Variants in GCM2 observed in about 807,000 individuals in gnomAD.
GCM2 encodes the protein chorion-specific transcription factor GCMb.
Under a neutral mutation model 24.8 loss-of-function variants are expected in GCM2, and 21 were observed. The observed-to-expected ratio is 0.85, with a 90% CI of 0.60 to 1.22. The LOEUF is 1.22. Ranked by LOEUF, GCM2 falls within the 50% of genes most tolerant of loss-of-function variation. The probability of loss-of-function intolerance (pLI) is 0.00; values close to 1 mark genes in which losing one functional copy is unlikely to be tolerated. For synonymous variants in GCM2, 222 were observed against 238.0 expected, an observed-to-expected ratio of 0.93 and a Z score of 0.62; for missense variants, 532 against 645.6, an observed-to-expected ratio of 0.82 and a Z score of 1.91.
At chr6:10,879,993 C>T (rs546414461) in intron 1 of GCM2, among the ~76,000 whole-genome samples, 7 of 152,274 alleles carry the variant, frequency 4.6e-5, no homozygotes, top group African/African-American at 1.7e-4. Context: ...CGGTGGCTCA[C>T]GCCTGTAATC....
chr6:10,875,473 T>G (rs773029499), intron 4 of GCM2, among the ~76,000 whole-genome samples: 3 of 152,246 alleles, frequency 2.0e-5, no homozygotes, highest in Non-Finnish European at 4.4e-5. Flanking sequence ...CTGCTTGGCG[T>G]GCTTTGGTTG....
intron 3 of GCM2, 49 bp downstream of exon 3, chr6:10,876,379 AGGTGGTTTGGCCTTTGT>A (rs1161170795): frequency 6.7e-6 from 7 of 1,051,982 alleles, no homozygotes; most frequent in African/African-American, 1.6e-5. Context: ...GGCACACGAC[AGGTGGTTTGGCCTTTGT>A]GGTCTGATGA....
chr6:10,878,364 G>A lies in GCM2; in HGVS notation c.91-972C>T, dbSNP rs1779911586. On this transcript the variant is annotated intron_variant, in intron 1 of 4. Coordinates refer to ENST00000379491, the MANE Select transcript of GCM2 (RefSeq NM_004752.4). ...GATGGAATCTCACTCTGTCACCCAG[G>A]CTGGAGTGTAGTAGCATGATCTCAG... Among the ~76,000 whole-genome samples, 5 of 152,002 alleles carry A rather than the reference G, an allele frequency of 3.3e-5. No homozygotes were observed. The South Asian group carries it at 1.0e-3, about 32-fold the overall frequency.
At position 10,873,931 on chromosome 6, in the gene GCM2, C is replaced by T. The variant is rs971674088; in HGVS notation, c.*64G>A. 5 of 1,220,280 alleles carry T rather than the reference C, an allele frequency of 4.1e-6. No individual in the cohort carries two copies. The highest frequency in any genetic ancestry group is 1.7e-5 in the Admixed American group (1 of 58,156). The allele number at this position is 1,220,280 out of a possible 1,614,324, so 75.6% of individuals were successfully genotyped here. The stretch of plus-strand genomic sequence containing the variant: ...CTCCCAACTCAATAAGAGATCATTG[C>T]CATTTCACATTTCCCTGCCTCCTGC... On this transcript the variant is annotated 3_prime_UTR_variant, in exon 5 of 5. Transcript: ENST00000379491.
rs748030466 is a variant in GCM2, at chr6:10,874,300, G to A, written c.1216C>T (p.Arg406Ter). The A allele has an allele frequency of 1.9e-6, 3 of 1,614,168 alleles. No individual in the cohort carries two copies. The highest frequency in any genetic ancestry group is 2.2e-5 in the South Asian group (2 of 91,074). The stretch of plus-strand genomic sequence containing the variant: ...CAGCTCGAAAGGCTCTTCACCTCTC[G>A]CACACTGTCACTGTATTTCATAGCA... ...PPAMKYSDSV[R>*]EVKSLSSCNY... is the part of the protein sequence containing the mutation. Residue 406 changes from arginine to a stop codon, truncating the protein, a stop_gained, in exon 5 of 5, where the codon CGA (arginine) becomes TGA (stop). Coordinates refer to ENST00000379491, the MANE Select transcript of GCM2 (RefSeq NM_004752.4). LOFTEE classifies it low-confidence loss of function (END_TRUNC).
At chr6:10,878,341 T>G (rs1779911216) in intron 1 of GCM2, among the ~76,000 whole-genome samples, 1 of 152,146 alleles carries the variant, frequency 6.6e-6, no homozygotes, top group Non-Finnish European at 1.5e-5. Flanking sequence ...TTTTTTGAGA[T>G]GGAATCTCAC....
chr6:10,874,055 G>A lies in GCM2; in HGVS notation c.1461C>T (p.Ser487=), dbSNP rs371832377. 6.0e-5 allele frequency: 97 copies of A among 1,614,048 alleles called. No individual in the cohort carries two copies. Among genetic ancestry groups the A allele is most frequent in the Middle Eastern group, 1.6e-4 (1 of 6,084 alleles). ...CCACTCTGTCTGAGTAACTGACTGCGGAGCCCAGCCCAGACAGACACACAT... is the reference window on the plus strand; with the variant it reads ...CCACTCTGTCTGAGTAACTGACTGCAGAGCCCAGCCCAGACAGACACACAT... ...TWDVCLSGLG[S]AVSYSDRVGP... The change falls in exon 5 of 5, where the codon TCC becomes TCT. Residue 487 remains serine (S), a synonymous_variant. Transcript: ENST00000379491.
chr6:10,874,031 C>G lies in GCM2; in HGVS notation c.1485G>C (p.Val495=). 6.2e-7 allele frequency: 1 copy of G among 1,614,136 alleles called. No homozygotes were observed. The highest frequency in any genetic ancestry group is 8.5e-7 in the Non-Finnish European group (1 of 1,179,988). ...CATTGTTGTAGGTAAAGAAGGGACC[C>G]ACTCTGTCTGAGTAACTGACTGCGG... ...LGSAVSYSDR[V]GPFFTYNNED... Residue 495 remains valine, a synonymous_variant, in exon 5 of 5, where the codon GTG becomes GTC. Coordinates refer to ENST00000379491, the MANE Select transcript of GCM2 (RefSeq NM_004752.4).
rs1336486239 is a variant in GCM2, at chr6:10,874,405, T to C, written c.1111A>G (p.Thr371Ala). The change falls in exon 5 of 5, where the codon ACT (threonine) becomes GCT (alanine). Residue 371 changes from threonine to alanine, a missense_variant. Coordinates refer to ENST00000379491, the MANE Select transcript of GCM2 (RefSeq NM_004752.4). ...NPELPCRYLT[T>A]PPPGAPALQT... ...AGGGCAGGGGCACCTGGTGGTGGAG[T>C]CGTGAGGTACCTGCAGGGAAGCTCT... 1.9e-6 allele frequency: 3 copies of C among 1,613,818 alleles called. No individual in the cohort carries two copies. Among genetic ancestry groups the C allele is most frequent in the African/African-American group, 2.7e-5 (2 of 74,894 alleles).
At chr6:10,881,651 C>G (rs79994101) in intron 1 of GCM2, 53 bp downstream of exon 1, 2 of 1,190,512 alleles carry the variant, frequency 1.7e-6, no homozygotes, top group Admixed American at 3.6e-5. Flanking sequence ...TGCCATTCTC[C>G]CTCCTTCGGA....
chr6:10,875,830 A>G (rs1779870006), intron 4 of GCM2, 61 bp downstream of exon 4: 2 of 1,549,514 alleles, frequency 1.3e-6, no homozygotes, highest in South Asian at 2.2e-5. Context: ...TTGCATAACG[A>G]TCAGCGTATC....
In GCM2 at chr6:10,874,398, G is replaced by T; in HGVS notation, c.1118C>A (p.Pro373Gln). 1 of 1,614,212 alleles carries T rather than the reference G, an allele frequency of 6.2e-7. No individual in the cohort carries two copies. Among genetic ancestry groups the T allele is most frequent in the Non-Finnish European group, 8.5e-7 (1 of 1,180,026 alleles). ...ELPCRYLTTP[P>Q]PGAPALQTVI... ...GGTTTGTAGGGCAGGGGCACCTGGT[G>T]GTGGAGTCGTGAGGTACCTGCAGGG... is the stretch of plus-strand genomic sequence containing the variant. Residue 373 changes from proline (P) to glutamine (Q), a missense_variant, in exon 5 of 5, where the codon CCA (proline) becomes CAA (glutamine). By Grantham distance (76) the Pro-to-Gln change is moderately conservative (BLOSUM62 -1). Around this residue, in one of 3 missense-constraint regions of GCM2, gnomAD observed 434 missense variants for 521.9 expected, o/e 0.83. Transcript: ENST00000379491.
rs1035347215 is a variant in GCM2 at position 10,881,961 on chromosome 6, C to G, written c.-168G>C. On this transcript the variant is annotated 5_prime_UTR_variant, in exon 1 of 5. Coordinates refer to ENST00000379491, the MANE Select transcript of GCM2 (RefSeq NM_004752.4). ...GAGAGGCTGTTTAGATATCTGGAAG[C>G]TGGGGACAATGGTTATGGACCCGGG... The G allele has an allele frequency of 1.6e-5, 11 of 667,274 alleles. No individual in the cohort carries two copies. In the African/African-American group the frequency reaches 2.0e-4, roughly 12 times the overall value. 41.3% of individuals were successfully genotyped at this position (667,274 alleles called of 1,614,324 possible). A position where few individuals can be genotyped will look rare whatever the true frequency, so the allele number is the denominator to read the frequency against.
chr6:10,877,486 C>T, intron 1 of GCM2, 94 bp from the exon 2 acceptor site: 5 of 1,353,928 alleles, frequency 3.7e-6, no homozygotes, highest in Non-Finnish European at 5.2e-6. Context: ...AGGATACAAA[C>T]CAGTTCTTTT....
Position 10,876,539 on chromosome 6 carries a change from CAGTT to C in GCM2, c.358_361del (p.Asn120ValfsTer7). The C allele has an allele frequency of 6.2e-7, 1 of 1,611,934 alleles. No individual in the cohort carries two copies. The highest frequency in any genetic ancestry group is 8.5e-7 in the Non-Finnish European group (1 of 1,177,966). ...AGGAATCAACTCCAAAGCAGAATGA[CAGTT>C]AGGGCATGCCTTCTCTGCAAAGCCC... On this transcript the variant is annotated frameshift_variant, in exon 3 of 5. Coordinates refer to ENST00000379491, the MANE Select transcript of GCM2 (RefSeq NM_004752.4). LOFTEE classifies it high-confidence loss of function.
Position 10,881,718 on chromosome 6 carries a change from G to T in GCM2, c.76C>A (p.Pro26Thr). The T allele has an allele frequency of 6.2e-7, 1 of 1,611,664 alleles. No homozygotes were observed. Among genetic ancestry groups the T allele is most frequent in the South Asian group, 1.1e-5 (1 of 91,074 alleles). ...GMQLSWDIND[P>T]QMPQELALFD... Reference sequence around the variant, plus strand: ...GGTTCACTTACCTGAGGCATCTGCGGATCGTTGATGTCCCAGCTGAGCTGC... The same window carrying T: ...GGTTCACTTACCTGAGGCATCTGCGTATCGTTGATGTCCCAGCTGAGCTGC... Residue 26 changes from proline (P) to threonine (T), a missense_variant, in exon 1 of 5, where the codon CCG becomes ACG. Transcript: ENST00000379491.
In GCM2 at chr6:10,874,597, G is replaced by C. The variant is rs773809891; in HGVS notation, c.919C>G (p.Leu307Val). The C allele has an allele frequency of 6.2e-7, 1 of 1,613,874 alleles. No individual in the cohort carries two copies. Among genetic ancestry groups the C allele is most frequent in the Non-Finnish European group, 8.5e-7 (1 of 1,179,722 alleles). ...TTGACATTACATTGTAGTGTGTTCA[G>C]ATGAACCCAGTCTGTGTCATTAGGG... is the stretch of plus-strand genomic sequence containing the variant. ...SIPNDTDWVH[L>V]NTLQCNVNSY... is the part of the protein sequence containing the mutation. The change falls in exon 5 of 5, where the codon CTG becomes GTG. Residue 307 changes from leucine (L) to valine (V), a missense_variant. Physicochemically the swap from Leu to Val is conservative, Grantham distance 32. Around this residue, in one of 3 missense-constraint regions of GCM2, gnomAD observed 434 missense variants for 521.9 expected, o/e 0.83. Coordinates refer to ENST00000379491, the MANE Select transcript of GCM2 (RefSeq NM_004752.4).
At chr6:10,875,850 A>T in intron 4 of GCM2, 41 bp downstream of exon 4, 1 of 1,605,272 alleles carries the variant, frequency 6.2e-7, no homozygotes, top group Non-Finnish European at 8.5e-7. Context: ...CTTGGGATGA[A>T]AATGAGCTGA....
rs376142260 is a variant in GCM2, at chr6:10,874,013, G to A, written c.1503C>T (p.Tyr501=). The A allele has an allele frequency of 1.5e-5, 24 of 1,613,692 alleles. No individual in the cohort carries two copies. The highest frequency in any genetic ancestry group is 2.7e-5 in the African/African-American group (2 of 75,034). ...YSDRVGPFFT[Y]NNEDF ...TTGTCTTTCAAAAATCCTCATTGTT[G>A]TAGGTAAAGAAGGGACCCACTCTGT... Residue 501 remains tyrosine, a synonymous_variant, in exon 5 of 5, where the codon TAC becomes TAT. Transcript: ENST00000379491.
Sources: allele counts gnomAD v4.1 joint callset (sites outside exome capture counted in the v4.1 genomes callset), GRCh38; gene constraint gnomAD v4.1.1; regional missense constraint gnomAD v4.1.1; transcripts MANE v1.5; gene names NCBI Gene and HGNC (gene_info 2026-07-23, HGNC 2026-07-21).